SLFN12L: variants seen among roughly 807,000 people sequenced by gnomAD.
SLFN12L encodes schlafen family member 12-like.
A neutral mutation model predicts 34.8 loss-of-function variants in SLFN12L; 34 were observed. The ratio of observed to expected loss-of-function variants is 0.98; its 90% confidence interval spans 0.74 to 1.30. The LOEUF is 1.30. SLFN12L is among the 50% of genes most tolerant of loss of function. SLFN12L has a pLI of 0.00. For missense variants in SLFN12L, 703 were observed against 696.2 expected, an observed-to-expected ratio of 1.01 and a Z score of -0.11; for synonymous variants, 259 against 247.5, an observed-to-expected ratio of 1.05 and a Z score of -0.44.
At chr17:35,497,384 T>G (rs1029879312) in intron 2 of SLFN12L, among the ~76,000 whole-genome samples, 3 of 151,572 alleles carry the variant, frequency 2.0e-5, no homozygotes, top group African/African-American at 7.3e-5. Context: ...AGAGCAAAAC[T>G]CCATCTAAAA....
rs1220320324 is a variant in SLFN12L, at chr17:35,467,984, A to C, written c.*6939T>G. On this transcript the variant is annotated 3_prime_UTR_variant, in exon 5 of 5. Coordinates refer to ENST00000628453, the MANE Select transcript of SLFN12L (RefSeq NM_001363830.2). ...GAGTGCAGTGGCGTGATCACGATTC[A>C]CTCCCCACTCTACTTCCTGGGTTCA... 2.6e-5 allele frequency among the ~76,000 whole-genome samples: 4 copies of C among 151,582 alleles called. No individual in the cohort carries two copies. The highest frequency in any genetic ancestry group is 5.9e-5 in the Non-Finnish European group (4 of 67,938).
chr17:35,493,580 G>A (rs1332976970), intron 2 of SLFN12L, among the ~76,000 whole-genome samples: 7 of 152,116 alleles, frequency 4.6e-5, no homozygotes, highest in Non-Finnish European at 2.9e-5. Flanking sequence ...CAGTTACTGG[G>A]CTTAACTGGT....
In SLFN12L at chr17:35,474,902, G is replaced by C. The variant is rs866011943; in HGVS notation, c.*21C>G. 3 of 1,521,802 alleles carry C rather than the reference G, an allele frequency of 2.0e-6. No individual in the cohort carries two copies. The highest frequency in any genetic ancestry group is 1.3e-5 in the South Asian group (1 of 77,894). 94.3% of individuals were successfully genotyped at this position (1,521,802 alleles called of 1,614,324 possible). Reference sequence around the variant, plus strand: ...GTCGAGATCGTGTCACTACACTCCAGTCTGGGTGACAGAGTGAGACTCATC... The same window carrying C: ...GTCGAGATCGTGTCACTACACTCCACTCTGGGTGACAGAGTGAGACTCATC... On this transcript the variant is annotated 3_prime_UTR_variant, in exon 5 of 5. Transcript: ENST00000628453.
chr17:35,490,205 G>T, intron 2 of SLFN12L: 1 of 1,591,678 alleles, frequency 6.3e-7, no homozygotes. Context: ...AGGCGGCAGT[G>T]GCCCTCTGGC....
intron 2 of SLFN12L, among the ~76,000 whole-genome samples, chr17:35,497,868 C>T (rs1035644286): frequency 2.0e-5 from 3 of 152,128 alleles, no homozygotes; most frequent in Non-Finnish European, 2.9e-5. Context: ...CCCTCTCAAT[C>T]TTCGTGAAAA....
intron 1 of SLFN12L, among the ~76,000 whole-genome samples, chr17:35,532,169 C>T (rs1455898723): frequency 6.6e-6 from 1 of 152,180 alleles, no homozygotes; most frequent in East Asian, 1.9e-4. Flanking sequence ...GCACAGGCCG[C>T]GCACAGTGGC....
Position 35,464,713 on chromosome 17 carries a change from C to T in SLFN12L, c.*10210G>A, listed in dbSNP as rs1913694392. On this transcript the variant is annotated 3_prime_UTR_variant, in exon 5 of 5. Coordinates refer to ENST00000628453, the MANE Select transcript of SLFN12L (RefSeq NM_001363830.2). ...ATATAGACATAATGAATAGATTGTACATGTACATAGATAAAGATATCAAAC... is the reference window on the plus strand; with the variant it reads ...ATATAGACATAATGAATAGATTGTATATGTACATAGATAAAGATATCAAAC... The T allele has an allele frequency of 6.6e-6, 1 of 151,968 alleles. No individual in the cohort carries two copies. The allele number at this position is 151,968 out of a possible 1,614,324, so 9.4% of individuals were successfully genotyped here.
Position 35,478,060 on chromosome 17 carries a change from C to T in SLFN12L, c.1276+15G>A. ...AGTTACACCAACAACTCCACGGAAG[C>T]CAGAATTAAATTACCTGGAAGGTGA... On this transcript the variant is annotated intron_variant, in intron 4 of 4. Coordinates refer to ENST00000628453, the MANE Select transcript of SLFN12L (RefSeq NM_001363830.2). The T allele has an allele frequency of 6.7e-7, 1 of 1,490,608 alleles. No homozygotes were observed. The highest frequency in any genetic ancestry group is 9.1e-7 in the Non-Finnish European group (1 of 1,094,766). 92.3% of individuals were successfully genotyped at this position (1,490,608 alleles called of 1,614,324 possible). A position where few individuals can be genotyped will look rare whatever the true frequency, so the allele number is the denominator to read the frequency against.
At chr17:35,487,223 G>A (rs1328674792) in intron 2 of SLFN12L, among the ~76,000 whole-genome samples, 1 of 152,268 alleles carries the variant, frequency 6.6e-6, no homozygotes, top group Admixed American at 6.5e-5. Flanking sequence ...TCACGGGCTT[G>A]AGCCACCGCG....
chr17:35,519,113 T>C (rs1915924677), intron 2 of SLFN12L, among the ~76,000 whole-genome samples: 1 of 152,110 alleles, frequency 6.6e-6, no homozygotes, highest in African/African-American at 2.4e-5. Context: ...CCACATGTTC[T>C]CACTTATGAG....
At chr17:35,486,296 A>G (rs1914578478) in intron 2 of SLFN12L, among the ~76,000 whole-genome samples, 1 of 152,054 alleles carries the variant, frequency 6.6e-6, no homozygotes, top group Admixed American at 6.6e-5. Flanking sequence ...TCCCAGCCCA[A>G]CTTCCTGCAC....
chr17:35,503,945 T>A (rs191472910), intron 2 of SLFN12L, among the ~76,000 whole-genome samples: 1 of 151,600 alleles, frequency 6.6e-6, no homozygotes, highest in Admixed American at 6.6e-5. Context: ...CCCTCCAGAG[T>A]TGTGGGCCAC....
At chr17:35,489,518 C>A (rs1914745850) in intron 2 of SLFN12L, among the ~76,000 whole-genome samples, 1 of 152,080 alleles carries the variant, frequency 6.6e-6, no homozygotes, top group Admixed American at 6.5e-5. Flanking sequence ...CAGGCTACTG[C>A]ACTCCAGCCT....
At chr17:35,486,949 T>A (rs955217918) in intron 2 of SLFN12L, among the ~76,000 whole-genome samples, 1 of 152,238 alleles carries the variant, frequency 6.6e-6, no homozygotes, top group African/African-American at 2.4e-5. Context: ...GATACCACTT[T>A]GCATTTAGTT....
chr17:35,478,978 G>A, intron 3 of SLFN12L, 139 bp downstream of exon 3: 1 of 625,270 alleles, frequency 1.6e-6, no homozygotes. Context: ...AAAACAAGAG[G>A]CAGGGAAGTA....
In SLFN12L at chr17:35,480,130, G is replaced by T; in HGVS notation, c.152C>A (p.Thr51Lys). Residue 51 changes from threonine (T) to lysine (K), a missense_variant, in exon 3 of 5, where the codon ACA (threonine) becomes AAA (lysine). Transcript: ENST00000628453. Reference sequence around the variant, plus strand: ...ATTTAGAACCAGCTCAGCATAGTTTGTGTCTAAATCAATACTGATGTTCAT... The same window carrying T: ...ATTTAGAACCAGCTCAGCATAGTTTTTGTCTAAATCAATACTGATGTTCAT... ...GKMNISIDLD[T>K]NYAELVLNVG... 1 of 1,613,362 alleles carries T rather than the reference G, an allele frequency of 6.2e-7. No individual in the cohort carries two copies. Among genetic ancestry groups the T allele is most frequent in the Non-Finnish European group, 8.5e-7 (1 of 1,179,810 alleles).
At chr17:35,529,722 A>G (rs571919488) in intron 1 of SLFN12L, among the ~76,000 whole-genome samples, 187 of 152,194 alleles carry the variant, frequency 1.2e-3, no homozygotes, top group African/African-American at 4.3e-3. Flanking sequence ...GAGGGACAAC[A>G]TTAGGAGAAA....
chr17:35,475,565 G>C (rs1322911123), intron 4 of SLFN12L, 80 bp from the exon 5 acceptor site: 1 of 1,454,752 alleles, frequency 6.9e-7, no homozygotes, highest in Non-Finnish European at 9.0e-7. Flanking sequence ...GCTTGTATTA[G>C]ATTAATTCTC....
At chr17:35,484,032 T>C (rs1914474012) in intron 2 of SLFN12L, among the ~76,000 whole-genome samples, 1 of 152,164 alleles carries the variant, frequency 6.6e-6, no homozygotes. Flanking sequence ...CATATAACAC[T>C]TAACAATTTA....
Sources: gnomAD v4.1 joint callset for allele counts (sites outside exome capture counted in the v4.1 genomes callset) on GRCh38, gnomAD v4.1.1 for gene constraint, MANE v1.5 for transcripts, NCBI Gene and HGNC (gene_info 2026-07-23, HGNC 2026-07-21) for gene names.